BMPER: variants seen among roughly 807,000 people sequenced by gnomAD.
BMPER encodes the protein BMP-binding endothelial regulator protein.
Under a neutral mutation model 87.3 loss-of-function variants are expected in BMPER, and 45 were observed. The ratio of observed to expected loss-of-function variants is 0.52; its 90% CI spans 0.41 to 0.66. BMPER has a LOEUF of 0.66. Among genes scored for constraint, BMPER ranks in the 30% least tolerant of loss-of-function variants. The probability of loss-of-function intolerance (pLI) is 0.00; values close to 1 mark genes in which losing one functional copy is unlikely to be tolerated. For synonymous variants in BMPER, 326 were observed against 316.2 expected, an observed-to-expected ratio of 1.03 and a Z score of -0.33; for missense variants, 784 against 867.5, an observed-to-expected ratio of 0.90 and a Z score of 1.21.
chr7:34,100,202 T>G (rs1789643545), intron 13 of BMPER, among the ~76,000 whole-genome samples: 1 of 152,236 alleles, frequency 6.6e-6, no homozygotes, highest in African/African-American at 2.4e-5. Flanking sequence ...GAAGAAGACA[T>G]TCAACCAATA....
At chr7:33,924,479 C>T (rs1784311792) in intron 2 of BMPER, among the ~76,000 whole-genome samples, 1 of 152,118 alleles carries the variant, frequency 6.6e-6, no homozygotes. Flanking sequence ...CTTCCCCTCT[C>T]ACCGTGCTCC....
In BMPER at chr7:34,117,551, A is replaced by C. The variant is rs73316489; in HGVS notation, c.1746-25679A>C. 4.4e-3 allele frequency among the ~76,000 whole-genome samples: 663 copies of C among 152,334 alleles called. 4 individuals carry two copies. Among genetic ancestry groups the C allele is most frequent in the African/African-American group, 0.015 (638 of 41,576 alleles). ...TCTAGGGAGAGACCATAAAACCATT[A>C]TGCTCTCAACCCCAAAACCTTTATC... On this transcript the variant is annotated intron_variant, in intron 13 of 14. Coordinates refer to ENST00000649409, the MANE Select transcript of BMPER (RefSeq NM_001365308.1).
At chr7:34,129,314 A>C (rs2127991059) in intron 13 of BMPER, among the ~76,000 whole-genome samples, 1 of 152,112 alleles carries the variant, frequency 6.6e-6, no homozygotes, top group African/African-American at 2.4e-5. Context: ...CATCCTGGCC[A>C]ATATGGTGAA....
chr7:34,118,301 A>G (rs1425960039), intron 13 of BMPER, among the ~76,000 whole-genome samples: 1 of 152,222 alleles, frequency 6.6e-6, no homozygotes, highest in Non-Finnish European at 1.5e-5. Context: ...GCAAAACTTC[A>G]TCTCAAAAAA....
At chr7:34,028,599 C>CTTTTTTTTTT (rs1787425304) in intron 6 of BMPER, among the ~76,000 whole-genome samples, 2 of 11,726 alleles carry the variant, frequency 1.7e-4, no homozygotes, top group Admixed American at 9.8e-4. Context: ...ATCATTTTTT[C>CTTTTTTTTTT]TGTTTTTTTT....
At chr7:33,939,115 A>G (rs1031328891) in intron 3 of BMPER, among the ~76,000 whole-genome samples, 4 of 152,224 alleles carry the variant, frequency 2.6e-5, no homozygotes, top group South Asian at 2.1e-4. Context: ...CTGCATGTCA[A>G]CGTCTCTCAG....
intron 6 of BMPER, among the ~76,000 whole-genome samples, chr7:33,981,743 A>G (rs1785868007): frequency 6.6e-6 from 1 of 152,170 alleles, no homozygotes; most frequent in Non-Finnish European, 1.5e-5. Context: ...TTTAGTCTTT[A>G]CCAATTCGGC....
chr7:33,989,673 G>A (rs1199664561), intron 6 of BMPER, among the ~76,000 whole-genome samples: 1 of 152,112 alleles, frequency 6.6e-6, no homozygotes, highest in Non-Finnish European at 1.5e-5. Flanking sequence ...TGGTGTTTTG[G>A]ACATGAAGTC....
At chr7:34,090,594 C>T (rs1478830829) in intron 13 of BMPER, among the ~76,000 whole-genome samples, 1 of 152,222 alleles carries the variant, frequency 6.6e-6, no homozygotes, top group Non-Finnish European at 1.5e-5. Context: ...AGGAGATGAG[C>T]TATGCCTTTG....
chr7:34,002,344 G>T (rs949600275), intron 6 of BMPER, among the ~76,000 whole-genome samples: 2 of 151,690 alleles, frequency 1.3e-5, no homozygotes, highest in African/African-American at 4.8e-5. Context: ...TTATAAAATA[G>T]GCTTTGGGTT....
In BMPER at chr7:33,928,569, A is replaced by G. The variant is rs1784412666; in HGVS notation, c.220-8720A>G. Among the ~76,000 whole-genome samples the G allele has an allele frequency of 3.5e-5, 5 of 141,910 alleles. No individual in the cohort carries two copies. The South Asian group carries it at 1.1e-3, about 31-fold the overall frequency. The allele number at this position is 141,910 out of a possible 152,430, so 93.1% of individuals were successfully genotyped here. On this transcript the variant is annotated intron_variant, in intron 2 of 14. Transcript: ENST00000649409. ...TTGACACTGCCCTGTTTTAAATCAG[A>G]CTTCTACTTGAGCAGCCAGGACACT...
intron 2 of BMPER, among the ~76,000 whole-genome samples, chr7:33,910,407 G>T (rs983066560): frequency 6.6e-6 from 1 of 152,142 alleles, no homozygotes; most frequent in Non-Finnish European, 1.5e-5. Flanking sequence ...CTGATCTTTG[G>T]GACATCCCTA....
intron 13 of BMPER, among the ~76,000 whole-genome samples, chr7:34,089,155 C>G (rs1007172330): frequency 9.2e-5 from 14 of 152,142 alleles, no homozygotes; most frequent in Admixed American, 6.5e-4. Flanking sequence ...ATTTTTTGAG[C>G]CCTTACAAGA....
chr7:33,927,057 G>A (rs1286816331), intron 2 of BMPER, among the ~76,000 whole-genome samples: 25 of 152,244 alleles, frequency 1.6e-4, no homozygotes, highest in Non-Finnish European at 1.5e-5. Context: ...GGTCAATTGT[G>A]CAGATGTCTT....
At chr7:34,083,388 C>G (rs1789106453) in intron 12 of BMPER, among the ~76,000 whole-genome samples, 1 of 152,182 alleles carries the variant, frequency 6.6e-6, no homozygotes, top group Non-Finnish European at 1.5e-5. Flanking sequence ...TCCTATGGCT[C>G]TCTTTCTTCT....
chr7:34,066,554 T>G (rs1480138767), intron 11 of BMPER, among the ~76,000 whole-genome samples: 4 of 152,220 alleles, frequency 2.6e-5, no homozygotes, highest in African/African-American at 9.6e-5. Context: ...TAAGCCAATC[T>G]GGACTTGCCT....
At chr7:33,947,732 G>A (rs1453708463) in intron 3 of BMPER, among the ~76,000 whole-genome samples, 1 of 152,076 alleles carries the variant, frequency 6.6e-6, no homozygotes. Flanking sequence ...ATGTAAAGGG[G>A]GACTATGAAT....
At chr7:34,085,633 C>T (rs975597091) in intron 12 of BMPER, 123 bp from the exon 13 acceptor site, 70 of 938,842 alleles carry the variant, frequency 7.5e-5, no homozygotes, top group Non-Finnish European at 1.1e-4. Flanking sequence ...GAATTTGGAC[C>T]AACCCTTGGT....
intron 10 of BMPER, among the ~76,000 whole-genome samples, chr7:34,060,742 C>T (rs747648859): frequency 6.6e-6 from 1 of 152,198 alleles, no homozygotes; most frequent in African/African-American, 2.4e-5. Flanking sequence ...TGACATGAGC[C>T]TTGGCAACCT....
Sources: gnomAD v4.1 joint callset for allele counts (sites outside exome capture counted in the v4.1 genomes callset) on GRCh38, gnomAD v4.1.1 for gene constraint, MANE v1.5 for transcripts, NCBI Gene and HGNC (gene_info 2026-07-23, HGNC 2026-07-21) for gene names.